The following PUM2 variants were observed in gnomAD, a reference collection of about 807,000 sequenced individuals.
PUM2 encodes the protein pumilio RNA binding family member 2, also known as pumilio homolog 2.
PUM2 carries 57 observed loss-of-function variants against 124.5 expected under a neutral mutation model. The observed-to-expected ratio is 0.46, with a 90% CI of 0.37 to 0.57. The LOEUF is 0.57. Ranked by LOEUF, PUM2 falls within the 20% of genes least tolerant of loss-of-function variation. The probability of loss-of-function intolerance (pLI) is 0.00; values close to 1 mark genes in which losing one functional copy is unlikely to be tolerated. For synonymous variants in PUM2, 460 were observed against 446.1 expected (o/e 1.03, Z -0.39); for missense variants, 1,065 against 1,290.6 (o/e 0.83, Z 2.68).
chr2:20,331,352 T>C (rs1684868924), intron 1 of PUM2, among the ~76,000 whole-genome samples: 1 of 152,216 alleles, frequency 6.6e-6, no homozygotes. Context: ...AAATGCAAAC[T>C]AATTTTAAGG....
At chr2:20,276,866 C>T (rs1432904396) in intron 13 of PUM2, among the ~76,000 whole-genome samples, 1 of 151,996 alleles carries the variant, frequency 6.6e-6, no homozygotes, top group Non-Finnish European at 1.5e-5. Flanking sequence ...AGATTTCAAG[C>T]TGAAGCTATG....
Position 20,350,640 on chromosome 2 carries a change from T to C in PUM2, c.-62A>G, listed in dbSNP as rs999132992. 1.2e-5 allele frequency: 12 copies of C among 985,182 alleles called. No individual in the cohort carries two copies. The highest frequency in any genetic ancestry group is 1.4e-5 in the Non-Finnish European group (12 of 829,984). 61.0% of individuals were successfully genotyped at this position (985,182 alleles called of 1,614,324 possible). On this transcript the variant is annotated 5_prime_UTR_variant, in exon 1 of 21. Transcript: ENST00000361078. ...CTGCCTCAGCCGGGGACACCGACCG[T>C]TGGGCACACGGCGGCGTCGCTCTTG...
At chr2:20,343,165 CTTACT>C (rs1349435399) in intron 1 of PUM2, among the ~76,000 whole-genome samples, 1 of 151,994 alleles carries the variant, frequency 6.6e-6, no homozygotes, top group Non-Finnish European at 1.5e-5. Flanking sequence ...TTTAAATAAA[CTTACT>C]TTATTCACTT....
At chr2:20,286,582 G>A (rs1672791572) in intron 10 of PUM2, among the ~76,000 whole-genome samples, 1 of 152,124 alleles carries the variant, frequency 6.6e-6, no homozygotes, top group African/African-American at 2.4e-5. Flanking sequence ...TCTTTTCAAA[G>A]AGGTGGTCAA....
At position 20,330,975 on chromosome 2, in the gene PUM2, T is replaced by C. The variant is rs138992192; in HGVS notation, c.-18-3597A>G. Among the ~76,000 whole-genome samples, 368 of 152,280 alleles carry C rather than the reference T, an allele frequency of 2.4e-3. 4 individuals carry two copies. Among genetic ancestry groups the C allele is most frequent in the African/African-American group, 8.6e-3 (356 of 41,552 alleles). On this transcript the variant is annotated intron_variant, in intron 1 of 20. Coordinates refer to ENST00000361078, the MANE Select transcript of PUM2 (RefSeq NM_015317.5). ...TTGCTTGATACAGCATATCAAGCAA[T>C]ACATGTGGGATCATAGAAGTGTTCT... is the stretch of plus-strand genomic sequence containing the variant.
intron 8 of PUM2, among the ~76,000 whole-genome samples, chr2:20,297,171 T>C (rs150615247): frequency 6.6e-4 from 100 of 152,370 alleles, no homozygotes; most frequent in African/African-American, 2.3e-3. Context: ...TATCTTACTC[T>C]ATTCTACCCC....
In PUM2 at chr2:20,314,179, A is replaced by C. The variant is rs933458205; in HGVS notation, c.161-1756T>G. 2.6e-5 allele frequency among the ~76,000 whole-genome samples: 4 copies of C among 152,190 alleles called. No homozygotes were observed. In the East Asian group the frequency reaches 7.7e-4, roughly 29 times the overall value. On this transcript the variant is annotated intron_variant, in intron 3 of 20. Transcript: ENST00000361078. Reference sequence around the variant, plus strand: ...AAATAAATTAAAATAACAATAAAATAAAATAAACTTTCGATTTGGCAGAAA... The same window carrying C: ...AAATAAATTAAAATAACAATAAAATCAAATAAACTTTCGATTTGGCAGAAA...
intron 1 of PUM2, among the ~76,000 whole-genome samples, chr2:20,332,722 G>T (rs1035819285): frequency 3.9e-5 from 6 of 152,074 alleles, no homozygotes; most frequent in African/African-American, 1.4e-4. Context: ...TTGGAATTTG[G>T]ACATAAATTT....
chr2:20,338,122 C>T (rs903208568), intron 1 of PUM2, among the ~76,000 whole-genome samples: 6 of 152,162 alleles, frequency 3.9e-5, no homozygotes, highest in Admixed American at 6.5e-5. Flanking sequence ...CTCTAAAAGA[C>T]GTGGTGGCTC....
intron 8 of PUM2, among the ~76,000 whole-genome samples, chr2:20,295,839 T>G (rs1190857582): frequency 6.6e-6 from 1 of 152,232 alleles, no homozygotes; most frequent in African/African-American, 2.4e-5. Flanking sequence ...TATTGCTTTT[T>G]ACTTTTATAT....
rs143998066 is a variant in PUM2, at chr2:20,334,063, G to C, written c.-18-6685C>G. ...CACTATGCTTTCTGTACAGCCTGTA[G>C]AACCATGAGACAATTCAACCTCTTT... is the stretch of plus-strand genomic sequence containing the variant. On this transcript the variant is annotated intron_variant, in intron 1 of 20. Transcript: ENST00000361078. Among the ~76,000 whole-genome samples the C allele has an allele frequency of 4.6e-3, 698 of 152,188 alleles. 7 individuals carry two copies. Among genetic ancestry groups the C allele is most frequent in the African/African-American group, 0.014 (598 of 41,502 alleles).
intron 1 of PUM2, among the ~76,000 whole-genome samples, chr2:20,341,219 G>A (rs905147462): frequency 6.6e-6 from 1 of 151,768 alleles, no homozygotes; most frequent in Non-Finnish European, 1.5e-5. Context: ...TGACCCAGAA[G>A]TTTCTCTTTT....
rs1326646077 is a variant in PUM2, at chr2:20,263,434, A to C, written c.1984T>G (p.Tyr662Asp). The C allele has an allele frequency of 6.2e-7, 1 of 1,613,222 alleles. No homozygotes were observed. Among genetic ancestry groups the C allele is most frequent in the Non-Finnish European group, 8.5e-7 (1 of 1,179,274 alleles). The change falls in exon 14 of 21, where the codon TAT (tyrosine) becomes GAT (aspartate). Residue 662 changes from tyrosine (Y) to aspartate (D), a missense_variant. By Grantham distance (160) the Tyr-to-Asp change is radical. Around this residue, in one of 3 missense-constraint regions of PUM2, gnomAD observed 968 missense variants for 1,159.8 expected, o/e 0.83. Coordinates refer to ENST00000361078, the MANE Select transcript of PUM2 (RefSeq NM_015317.5). ...LGGLTNGSGRYISAAPGAEAK... is the reference protein window; with the variant it reads ...LGGLTNGSGRDISAAPGAEAK... ...TCTGCTCCAGGTGCTGCAGAGATAT[A>C]TCGACCACTACCATTTGTCAGTCCT...
At chr2:20,252,079 A>C (rs1663520024) in intron 20 of PUM2, among the ~76,000 whole-genome samples, 1 of 152,216 alleles carries the variant, frequency 6.6e-6, no homozygotes, top group Non-Finnish European at 1.5e-5. Flanking sequence ...ATTAGGGAGG[A>C]TCCAAATATA....
intron 2 of PUM2, among the ~76,000 whole-genome samples, chr2:20,322,668 T>C (rs1682653585): frequency 6.6e-6 from 1 of 152,110 alleles, no homozygotes; most frequent in African/African-American, 2.4e-5. Flanking sequence ...CCAGGCGTGG[T>C]GGCGTGCACC....
intron 7 of PUM2, among the ~76,000 whole-genome samples, chr2:20,305,410 T>A: frequency 7.7e-6 from 1 of 130,034 alleles, no homozygotes; most frequent in East Asian, 2.3e-4. Flanking sequence ...CCTGGGAAGC[T>A]GAGGCTGTAC....
chr2:20,255,489 C>A, intron 17 of PUM2, 148 bp from the exon 18 acceptor site: 1 of 738,068 alleles, frequency 1.4e-6, no homozygotes, highest in South Asian at 1.9e-5. Context: ...AATATGACTA[C>A]CACCATGTTA....
intron 16 of PUM2, among the ~76,000 whole-genome samples, chr2:20,257,563 T>C (rs906030789): frequency 2.6e-5 from 4 of 152,170 alleles, no homozygotes; most frequent in Admixed American, 6.5e-5. Flanking sequence ...TTCTATACAA[T>C]AACCCCACTA....
rs146177887 is a variant in PUM2, at chr2:20,309,218, C to A, written c.519-634G>T. 4.4e-3 allele frequency among the ~76,000 whole-genome samples: 669 copies of A among 152,194 alleles called. 5 individuals are homozygous for A. The highest frequency in any genetic ancestry group is 0.015 in the African/African-American group (630 of 41,520). ...GCAAGTCATGTCATCTTTCAAGCTG[C>A]AGTCTTCTTATTGAGGAGACTTAAG... On this transcript the variant is annotated intron_variant, in intron 5 of 20. Coordinates refer to ENST00000361078, the MANE Select transcript of PUM2 (RefSeq NM_015317.5).
Sources: gnomAD v4.1 joint callset for allele counts (sites outside exome capture counted in the v4.1 genomes callset) on GRCh38, gnomAD v4.1.1 for gene constraint, gnomAD v4.1.1 regional missense constraint, MANE v1.5 for transcripts, NCBI Gene and HGNC (gene_info 2026-07-23, HGNC 2026-07-21) for gene names.